The following CELF2 variants were observed in gnomAD, a reference collection of about 807,000 sequenced individuals.
CELF2 encodes the protein CUGBP Elav-like family member 2.
Under a neutral mutation model 62.6 loss-of-function variants are expected in CELF2, and 8 were observed. The observed-to-expected ratio is 0.13, with a 90% confidence interval of 0.07 to 0.23. CELF2 has a LOEUF of 0.23. CELF2 is among the 10% of genes least tolerant of loss of function. The pLI is 1.00. For synonymous variants in CELF2, 258 were observed against 250.0 expected (o/e 1.03, Z -0.30); for missense variants, 333 against 671.0 (o/e 0.50, Z 5.56).
the CELF2 span, among the ~76,000 whole-genome samples, chr10:10,678,533 T>C: frequency 6.6e-6 from 1 of 152,176 alleles, no homozygotes; most frequent in African/African-American, 2.4e-5. Flanking sequence ...GGGCTGATCT[T>C]TGATTCCAGC....
In CELF2 at chr10:11,328,160, C is replaced by G. The variant is rs183650751; in HGVS notation, c.1439-766C>G. ...GGAATTCTCTTCAGATGATTAAGTT[C>G]TAAGCCGTTGACTATGTATCCCCCA... On this transcript the variant is annotated intron_variant, in intron 12 of 12. Transcript: ENST00000633077. The surrounding 1 kb of genome is among the most constrained non-coding windows in gnomAD (Gnocchi z 6.4). Among the ~76,000 whole-genome samples the G allele has an allele frequency of 6.6e-5, 10 of 152,316 alleles. No individual in the cohort carries two copies. The highest frequency in any genetic ancestry group is 1.5e-4 in the Non-Finnish European group (10 of 68,030).
chr10:10,817,353 T>C (rs1489252500), intron 1 of CELF2, among the ~76,000 whole-genome samples: 3 of 152,222 alleles, frequency 2.0e-5, no homozygotes, highest in African/African-American at 7.2e-5. Flanking sequence ...TTTTAAAACG[T>C]ACAATTAAGT....
At chr10:10,662,642 G>A in the CELF2 span, among the ~76,000 whole-genome samples, 1 of 152,108 alleles carries the variant, frequency 6.6e-6, no homozygotes, top group Non-Finnish European at 1.5e-5. Context: ...CCATGACCCT[G>A]GTCTTTGGAG....
the CELF2 span, among the ~76,000 whole-genome samples, chr10:10,463,394 C>T: frequency 6.6e-6 from 1 of 152,090 alleles, no homozygotes; most frequent in Non-Finnish European, 1.5e-5. Flanking sequence ...TAGCACTGAC[C>T]AGATCACTTA....
At chr10:10,743,367 CAAT>C in the CELF2 span, among the ~76,000 whole-genome samples, 3 of 152,272 alleles carry the variant, frequency 2.0e-5, no homozygotes, top group East Asian at 1.9e-4. Flanking sequence ...CAGATACACA[CAAT>C]AATACAGTTT....
chr10:11,069,807 C>T (rs925644735), intron 1 of CELF2, among the ~76,000 whole-genome samples: 10 of 152,128 alleles, frequency 6.6e-5, no homozygotes, highest in African/African-American at 2.2e-4. Context: ...AACTATGAGC[C>T]GTCACATGTT....
Position 11,115,476 on chromosome 10 carries a change from A to C in CELF2, c.75-50010A>C, listed in dbSNP as rs1322712895. Among the ~76,000 whole-genome samples, 2 of 152,210 alleles carry C rather than the reference A, an allele frequency of 1.3e-5. 1 individual carries two copies. Among genetic ancestry groups the C allele is most frequent in the East Asian group, 3.8e-4 (2 of 5,196 alleles). On this transcript the variant is annotated intron_variant, in intron 1 of 12. Coordinates refer to ENST00000633077, the MANE Select transcript of CELF2 (RefSeq NM_001326342.2). The stretch of plus-strand genomic sequence containing the variant: ...TAGGAGGGAGTTGTATTTGTGAGTC[A>C]TAGGGATCCATTATCCATATCTGCT...
the CELF2 span, among the ~76,000 whole-genome samples, chr10:10,521,360 A>C: frequency 6.6e-6 from 1 of 152,200 alleles, no homozygotes; most frequent in Admixed American, 6.5e-5. Flanking sequence ...GGGAGCCTCC[A>C]AAATGCCTGG....
chr10:10,836,438 A>C (rs1362810905), intron 1 of CELF2, among the ~76,000 whole-genome samples: 2 of 152,212 alleles, frequency 1.3e-5, no homozygotes, highest in African/African-American at 4.8e-5. Context: ...TGTCTATTCG[A>C]TATGACAACA....
At chr10:11,084,646 T>C (rs1200751480) in intron 1 of CELF2, among the ~76,000 whole-genome samples, 1 of 152,150 alleles carries the variant, frequency 6.6e-6, no homozygotes, top group Non-Finnish European at 1.5e-5. Context: ...GTTTTTAAAT[T>C]GAAAATGAAA....
chr10:10,500,328 A>G, the CELF2 span, among the ~76,000 whole-genome samples: 1 of 152,190 alleles, frequency 6.6e-6, no homozygotes, highest in African/African-American at 2.4e-5. Flanking sequence ...TTTCAAAACT[A>G]TATGATATGG....
At chr10:11,003,029 AC>A (rs2054674189), upstream of CELF2, among the ~76,000 whole-genome samples, 1 of 152,194 alleles carries the variant, frequency 6.6e-6, no homozygotes, top group Non-Finnish European at 1.5e-5. This position sits in a 1 kb window ranked among gnomAD's most constrained non-coding sequence, Gnocchi z 4.4. Context: ...CTTACTATAT[AC>A]ACTATGTACA....
chr10:10,554,704 TC>T, the CELF2 span, among the ~76,000 whole-genome samples: 216 of 152,290 alleles, frequency 1.4e-3, no homozygotes, highest in African/African-American at 5.0e-3. Context: ...ATTTGGCTTT[TC>T]AGCTCTTCCA....
the CELF2 span, among the ~76,000 whole-genome samples, chr10:10,583,015 C>T: frequency 6.6e-6 from 1 of 152,172 alleles, no homozygotes; most frequent in Non-Finnish European, 1.5e-5. Flanking sequence ...AGATAATGAA[C>T]AATTTCAAGA....
chr10:10,494,557 A>T, the CELF2 span, among the ~76,000 whole-genome samples: 2 of 152,238 alleles, frequency 1.3e-5, no homozygotes, highest in Non-Finnish European at 2.9e-5. Flanking sequence ...CAAAAAGGAA[A>T]GCAATAAATA....
intron 1 of CELF2, among the ~76,000 whole-genome samples, chr10:11,088,263 A>G (rs2047349606): frequency 6.6e-6 from 1 of 152,262 alleles, no homozygotes; most frequent in Non-Finnish European, 1.5e-5. Flanking sequence ...TGAGAGGCAG[A>G]GTGAACAGCA....
At chr10:10,624,106 T>C in the CELF2 span, among the ~76,000 whole-genome samples, 1 of 152,232 alleles carries the variant, frequency 6.6e-6, no homozygotes, top group East Asian at 1.9e-4. Flanking sequence ...GAACAGGATG[T>C]ACCAGGCAGT....
chr10:10,817,664 A>G (rs144077776), intron 1 of CELF2, among the ~76,000 whole-genome samples: 56 of 152,284 alleles, frequency 3.7e-4, no homozygotes, highest in African/African-American at 1.3e-3. Context: ...CTCATTTTTT[A>G]TGGCTGAATA....
the CELF2 span, among the ~76,000 whole-genome samples, chr10:10,643,660 G>A: frequency 7.8e-4 from 118 of 152,240 alleles, 1 homozygote; most frequent in East Asian, 0.017. Flanking sequence ...CATTTATAAT[G>A]GAGGTTATAA....
Sources: allele counts gnomAD v4.1 joint callset (sites outside exome capture counted in the v4.1 genomes callset), GRCh38; gene constraint gnomAD v4.1.1; non-coding constraint Gnocchi (gnomAD v3.1); transcripts MANE v1.5; gene names NCBI Gene and HGNC (gene_info 2026-07-23, HGNC 2026-07-21).